CFAP184: variants seen among roughly 807,000 people sequenced by gnomAD.
The protein encoded by CFAP184 is cilia- and flagella-associated protein 184.
chr4:7,042,442 T>G, the CFAP184 span: 3 of 1,611,426 alleles, frequency 1.9e-6, no homozygotes, highest in Non-Finnish European at 2.5e-6. Flanking sequence ...TTCCTCCCCC[T>G]CCACCCGCTC....
the CFAP184 span, chr4:7,042,994 G>A: frequency 7.3e-7 from 1 of 1,376,132 alleles, no homozygotes; most frequent in South Asian, 1.9e-5. Context: ...TAGGTTTCCC[G>A]GGGCAACAGA....
chr4:7,042,553 A>G, the CFAP184 span: 2 of 1,575,624 alleles, frequency 1.3e-6, no homozygotes, highest in Non-Finnish European at 1.7e-6. Flanking sequence ...CGCCTGCTCC[A>G]GTTCCTCCGC....
At chr4:7,042,117 C>G in the CFAP184 span, 3 of 1,607,392 alleles carry the variant, frequency 1.9e-6, no homozygotes. Context: ...GGGCCTCGGC[C>G]TCTGCGCCCC....
chr4:7,041,413 C>T, the CFAP184 span: 1 of 1,614,228 alleles, frequency 6.2e-7, no homozygotes, highest in Non-Finnish European at 8.5e-7. Context: ...TTCCAAGTCC[C>T]GAAGAAGTGA....
chr4:7,042,017 C>A, the CFAP184 span: 3 of 1,612,098 alleles, frequency 1.9e-6, no homozygotes, highest in Non-Finnish European at 2.5e-6. Context: ...TGGCCCAGCT[C>A]CTGGTGGTAC....
the CFAP184 span, chr4:7,041,784 G>T: frequency 1.2e-6 from 2 of 1,612,240 alleles, no homozygotes; most frequent in Non-Finnish European, 1.7e-6. Flanking sequence ...AATGCACCAG[G>T]CTCTGCTTCA....
At chr4:7,041,052 G>A in the CFAP184 span, 1 of 522,544 alleles carries the variant, frequency 1.9e-6, no homozygotes. Context: ...ATCACCCTTT[G>A]TTTGCTTTTC....
chr4:7,041,522 GGGC>G, the CFAP184 span: 190 of 1,614,222 alleles, frequency 1.2e-4, no homozygotes, highest in African/African-American at 2.3e-3. Flanking sequence ...TCTCTTCCTA[GGGC>G]GGCCTGGGCC....
At chr4:7,041,336 G>C in the CFAP184 span, 1 of 1,614,198 alleles carries the variant, frequency 6.2e-7, no homozygotes, top group Non-Finnish European at 8.5e-7. Context: ...GACAAAGTGA[G>C]GCTAGCGTGG....
chr4:7,041,915 T>C, the CFAP184 span: 4 of 1,612,798 alleles, frequency 2.5e-6, no homozygotes, highest in East Asian at 6.7e-5. Flanking sequence ...CAGCTGCCCA[T>C]GGCCTGCATC....
chr4:7,042,372 T>C, the CFAP184 span: 2 of 1,611,006 alleles, frequency 1.2e-6, no homozygotes, highest in Non-Finnish European at 1.7e-6. Context: ...TGGCCGGGCG[T>C]CCTTCCCCAT....
the CFAP184 span, chr4:7,041,919 C>G: frequency 6.2e-7 from 1 of 1,612,884 alleles, no homozygotes; most frequent in Non-Finnish European, 8.5e-7. Flanking sequence ...TGCCCATGGC[C>G]TGCATCACCA....
chr4:7,041,317 C>T, the CFAP184 span: 1 of 1,612,964 alleles, frequency 6.2e-7, no homozygotes, highest in Non-Finnish European at 8.5e-7. Context: ...CTGCCTCACG[C>T]CTCTGCAGGA....
the CFAP184 span, chr4:7,042,347 C>T: frequency 2.5e-6 from 4 of 1,608,776 alleles, no homozygotes; most frequent in East Asian, 2.2e-5. Context: ...AGGCGCTTCC[C>T]CTCTTCCTGG....
chr4:7,041,602 A>C, the CFAP184 span: 3 of 1,614,140 alleles, frequency 1.9e-6, no homozygotes, highest in Non-Finnish European at 2.5e-6. Context: ...CTTTTCCTTC[A>C]CGTGGGTTAT....
At chr4:7,041,462 T>C in the CFAP184 span, 2 of 1,614,200 alleles carry the variant, frequency 1.2e-6, no homozygotes, top group Non-Finnish European at 8.5e-7. Context: ...TTCAGTCTGA[T>C]GTTGTCCGTC....
chr4:7,041,338 C>G, the CFAP184 span: 5 of 1,614,040 alleles, frequency 3.1e-6, no homozygotes, highest in Non-Finnish European at 4.2e-6. Context: ...CAAAGTGAGG[C>G]TAGCGTGGTG....
At chr4:7,042,540 T>G in the CFAP184 span, 373 of 1,591,414 alleles carry the variant, frequency 2.3e-4, no homozygotes, top group Non-Finnish European at 3.0e-4. Flanking sequence ...CCTTCCCCTC[T>G]GCCGCCTGCT....
chr4:7,041,952 G>A, the CFAP184 span: 2 of 1,612,668 alleles, frequency 1.2e-6, no homozygotes, highest in Non-Finnish European at 1.7e-6. Flanking sequence ...GTGCCTGGAA[G>A]CGTCGCCACT....
Sources: gnomAD v4.1 joint callset for allele counts on GRCh38, gnomAD v4.1.1 for gene constraint, MANE v1.5 for transcripts, NCBI Gene and HGNC (gene_info 2026-07-23, HGNC 2026-07-21) for gene names.